HNRNPUL2: variants seen among roughly 807,000 people sequenced by gnomAD.
The protein encoded by HNRNPUL2 is heterogeneous nuclear ribonucleoprotein U-like protein 2.
HNRNPUL2 carries 27 observed loss-of-function variants against 102.2 expected under a neutral mutation model. That is an observed-to-expected ratio of 0.26 (90% CI 0.19 to 0.36). The LOEUF (loss-of-function observed/expected upper bound fraction) is 0.36, where lower values mean the gene tolerates loss of function less well. Among genes scored for constraint, HNRNPUL2 ranks in the 10% least tolerant of loss-of-function variants. The pLI is 1.00. For synonymous variants in HNRNPUL2, 458 were observed against 387.2 expected, an observed-to-expected ratio of 1.18 and a Z score of -2.15; for missense variants, 936 against 981.1, an observed-to-expected ratio of 0.95 and a Z score of 0.61.
chr11:62,718,952 G>A (rs1007948347), intron 10 of HNRNPUL2, among the ~76,000 whole-genome samples: 5 of 151,846 alleles, frequency 3.3e-5, no homozygotes, highest in Middle Eastern at 3.4e-3. Context: ...AGCCTCCCGA[G>A]TAGCTGTGAT....
Position 62,717,223 on chromosome 11 carries a change from A to G in HNRNPUL2, c.1781-34T>C, listed in dbSNP as rs530320304. On this transcript the variant is annotated intron_variant, in intron 10 of 13. Transcript: ENST00000301785. ...GTAAGAGAGAAGCTTGTGGGCCTGA[A>G]AAGTGCATAGATGGGTAAGAACTCA... The G allele has an allele frequency of 7.2e-6, 11 of 1,537,926 alleles. No individual in the cohort carries two copies. The Admixed American group carries it at 1.9e-4, about 26-fold the overall frequency.
At chr11:62,720,939 ATCT>A (rs2083698022) in intron 9 of HNRNPUL2, among the ~76,000 whole-genome samples, 1 of 150,772 alleles carries the variant, frequency 6.6e-6, no homozygotes, top group African/African-American at 2.4e-5. Context: ...AATACACATG[ATCT>A]TCTTTAACTT....
rs767115770 is a variant in HNRNPUL2, at chr11:62,724,362, C to T, written c.603G>A (p.Lys201=). 1.9e-6 allele frequency: 3 copies of T among 1,614,018 alleles called. No homozygotes were observed. In the South Asian group the frequency reaches 3.3e-5, roughly 18 times the overall value. The change falls in exon 2 of 14, where the codon AAG becomes AAA. Residue 201 remains lysine (K), a synonymous_variant. Coordinates refer to ENST00000301785, the MANE Select transcript of HNRNPUL2 (RefSeq NM_001079559.3). ...GTTCATCCTTCTCATCCCGCTGTCT[C>T]TTTACCCCCCGCCGCTCACCATCTG... The part of the protein sequence containing the change: ...AGSDGERRGV[K]RQRDEKDEHG...
At chr11:62,722,500 A>C in intron 6 of HNRNPUL2, 101 bp downstream of exon 6, 2 of 1,414,058 alleles carry the variant, frequency 1.4e-6, no homozygotes, top group Admixed American at 1.7e-5. Flanking sequence ...AGCCACACAC[A>C]TCACATGCAT....
In HNRNPUL2 at chr11:62,725,107, G is replaced by A. The variant is rs1267385391; in HGVS notation, c.539-681C>T. Among the ~76,000 whole-genome samples, 9 of 152,310 alleles carry A rather than the reference G, an allele frequency of 5.9e-5. No homozygotes were observed. In the East Asian group the frequency reaches 1.7e-3, roughly 29 times the overall value. ...TATATTTAGCAACTTCTCTGCAAGA[G>A]GAAAAAACTTGGAGTTTTTCCCTAG... On this transcript the variant is annotated intron_variant, in intron 1 of 13. Coordinates refer to ENST00000301785, the MANE Select transcript of HNRNPUL2 (RefSeq NM_001079559.3).
chr11:62,716,365 CATTTACA>C (rs1375134300), intron 11 of HNRNPUL2, among the ~76,000 whole-genome samples: 3 of 152,182 alleles, frequency 2.0e-5, no homozygotes, highest in Non-Finnish European at 4.4e-5. Context: ...GAACTGTCAG[CATTTACA>C]GTACCTAGCA....
chr11:62,716,966 G>T (rs1400871228), intron 11 of HNRNPUL2, 23 bp downstream of exon 11: 2 of 1,610,906 alleles, frequency 1.2e-6, no homozygotes, highest in Non-Finnish European at 1.7e-6. Flanking sequence ...GAAGTAGGGG[G>T]CTGGCAGGTC....
rs2083757466 is a variant in HNRNPUL2, at chr11:62,726,944, C to T, written c.213G>A (p.Pro71=). The part of the protein sequence containing the change: ...PRPVAASGGG[P]GGDEEEDEEE... ...CTTCGTCCTCCTCCTCGTCCCCGCCCGGGCCGCCGCCCGACGCGGCCACAG... is the reference window on the plus strand; with the variant it reads ...CTTCGTCCTCCTCCTCGTCCCCGCCTGGGCCGCCGCCCGACGCGGCCACAG... The change falls in exon 1 of 14, where the codon CCG becomes CCA. Residue 71 remains proline (P), a synonymous_variant. Coordinates refer to ENST00000301785, the MANE Select transcript of HNRNPUL2 (RefSeq NM_001079559.3). 5 of 1,475,800 alleles carry T rather than the reference C, an allele frequency of 3.4e-6. No homozygotes were observed. The highest frequency in any genetic ancestry group is 4.5e-6 in the Non-Finnish European group (5 of 1,121,728). 91.4% of individuals were successfully genotyped at this position (1,475,800 alleles called of 1,614,324 possible).
intron 3 of HNRNPUL2, 21 bp from the exon 4 acceptor site, chr11:62,723,747 A>AGTT (rs764686464): frequency 1.4e-5 from 22 of 1,614,064 alleles, no homozygotes; most frequent in Non-Finnish European, 1.9e-5. Context: ...AGAAGCAATC[A>AGTT]GTTTACTCCA....
intron 4 of HNRNPUL2, among the ~76,000 whole-genome samples, chr11:62,723,191 A>T (rs1481826875): frequency 7.2e-5 from 11 of 152,164 alleles, no homozygotes; most frequent in Non-Finnish European, 1.6e-4. Flanking sequence ...CGGTCTTTTT[A>T]AAAAAATATT....
rs988380415 is a variant in HNRNPUL2, at chr11:62,722,156, T to A, written c.1320A>T (p.Val440=). 1.2e-6 allele frequency: 2 copies of A among 1,614,136 alleles called. No homozygotes were observed. The highest frequency in any genetic ancestry group is 1.7e-6 in the Non-Finnish European group (2 of 1,180,040). Reference sequence around the variant, plus strand: ...TGGTCTTGGGAGGGACTGCAGTGCGTACACGCTCCTCAACAGGCACAGCAT... The same window carrying A: ...TGGTCTTGGGAGGGACTGCAGTGCGAACACGCTCCTCAACAGGCACAGCAT... ...FIHAVPVEER[V]RTAVPPKTIE... The change falls in exon 7 of 14, where the codon GTA becomes GTT. Residue 440 remains valine, a synonymous_variant. Transcript: ENST00000301785.
chr11:62,715,933 G>A lies in HNRNPUL2; in HGVS notation c.1986C>T (p.Gly662=), dbSNP rs748222976. ...GGTTGTCGTAGCCTCGGCGCTGCCC[G>A]CCCACTGGAAGAGAAATGGAGAGCG... The part of the protein sequence containing the change: ...QNRSRGQGYV[G]GQRRGYDNRA... The change falls in exon 12 of 14, where the codon GGC becomes GGT. Residue 662 remains glycine, a synonymous_variant. Coordinates refer to ENST00000301785, the MANE Select transcript of HNRNPUL2 (RefSeq NM_001079559.3). 8 of 1,599,232 alleles carry A rather than the reference G, an allele frequency of 5.0e-6. No homozygotes were observed. Among genetic ancestry groups the A allele is most frequent in the Admixed American group, 3.5e-5 (2 of 57,768 alleles).
In HNRNPUL2 at chr11:62,722,312, C is replaced by G; in HGVS notation, c.1164G>C (p.Trp388Cys). 1 of 1,614,080 alleles carries G rather than the reference C, an allele frequency of 6.2e-7. No individual in the cohort carries two copies. Among genetic ancestry groups the G allele is most frequent in the Non-Finnish European group, 8.5e-7 (1 of 1,179,938 alleles). The change falls in exon 7 of 14, where the codon TGG (tryptophan) becomes TGC (cysteine). Residue 388 changes from tryptophan to cysteine, a missense_variant. Physicochemically the swap from Trp to Cys is radical, Grantham distance 215. Coordinates refer to ENST00000301785, the MANE Select transcript of HNRNPUL2 (RefSeq NM_001079559.3). ...KNGEDLGVAF[W>C]ISKDSLADRA... Reference sequence around the variant, plus strand: ...GGTCTGCCAGGGAATCCTTGCTGATCCAGAATGCCACACCTAGGTCTTCTC... The same window carrying G: ...GGTCTGCCAGGGAATCCTTGCTGATGCAGAATGCCACACCTAGGTCTTCTC...
chr11:62,727,084 G>A lies in HNRNPUL2; in HGVS notation c.73C>T (p.Leu25Phe). 6.9e-7 allele frequency: 1 copy of A among 1,445,576 alleles called. No homozygotes were observed. The highest frequency in any genetic ancestry group is 9.1e-7 in the Non-Finnish European group (1 of 1,101,178). The allele number at this position is 1,445,576 out of a possible 1,614,324, so 89.5% of individuals were successfully genotyped here. Reference protein sequence around the residue: ...LQRRGLDSRGLKVDLAQRLQE... With the variant: ...LQRRGLDSRGFKVDLAQRLQE... ...AGCCGCTGCGCCAGATCCACCTTGA[G>A]GCCGCGCGAGTCCAGGCCCCGCCGC... Residue 25 changes from leucine (L) to phenylalanine (F), a missense_variant, in exon 1 of 14, where the codon CTC becomes TTC. Leu to Phe is a conservative substitution (Grantham distance 22). This residue lies in a region of HNRNPUL2 where 327 missense variants were observed against 268.1 expected (regional missense o/e 1.22). Coordinates refer to ENST00000301785, the MANE Select transcript of HNRNPUL2 (RefSeq NM_001079559.3).
At position 62,721,845 on chromosome 11, in the gene HNRNPUL2, G is replaced by A; in HGVS notation, c.1457C>T (p.Ala486Val). 6.2e-7 allele frequency: 1 copy of A among 1,614,134 alleles called. No individual in the cohort carries two copies. Among genetic ancestry groups the A allele is most frequent in the Non-Finnish European group, 8.5e-7 (1 of 1,180,010 alleles). The change falls in exon 8 of 14, where the codon GCT becomes GTT. Residue 486 changes from alanine to valine, a missense_variant. Ala to Val is a moderately conservative substitution (Grantham distance 64). Around this residue, in one of 2 missense-constraint regions of HNRNPUL2, gnomAD observed 609 missense variants for 713.0 expected, o/e 0.85. Transcript: ENST00000301785. ...CCTCATTTGATTGAGCACAGTCTCA[G>A]CTCCCAGGACATTGTATCTTTTCTC... is the stretch of plus-strand genomic sequence containing the variant. Reference protein sequence around the residue: ...NPEKRYNVLGAETVLNQMRMK... With the variant: ...NPEKRYNVLGVETVLNQMRMK...
chr11:62,717,159 T>C lies in HNRNPUL2; in HGVS notation c.1811A>G (p.Tyr604Cys), dbSNP rs772743752. 31 of 1,613,946 alleles carry C rather than the reference T, an allele frequency of 1.9e-5. No individual in the cohort carries two copies. Among genetic ancestry groups the C allele is most frequent in the Admixed American group, 1.3e-4 (8 of 59,994 alleles). The change falls in exon 11 of 14, where the codon TAT becomes TGT. Residue 604 changes from tyrosine to cysteine, a missense_variant. Coordinates refer to ENST00000301785, the MANE Select transcript of HNRNPUL2 (RefSeq NM_001079559.3). The stretch of plus-strand genomic sequence containing the variant: ...CTCCCCATATGTCACCTCATCCATA[T>C]AGTCGCATTTTTCAGGCAAAGAGAA... ...ANFSLPEKCD[Y>C]MDEVTYGELE...
intron 1 of HNRNPUL2, among the ~76,000 whole-genome samples, chr11:62,725,554 T>C (rs1266432073): frequency 2.0e-5 from 3 of 152,200 alleles, no homozygotes; most frequent in East Asian, 1.9e-4. Flanking sequence ...TCAAAGGTTA[T>C]GTAATGGGAT....
Position 62,726,695 on chromosome 11 carries a change from T to G in HNRNPUL2, c.462A>C (p.Glu154Asp). 2 of 1,600,278 alleles carry G rather than the reference T, an allele frequency of 1.2e-6. No individual in the cohort carries two copies. Among genetic ancestry groups the G allele is most frequent in the Non-Finnish European group, 1.7e-6 (2 of 1,179,446 alleles). ...GEEQGLGKRE[E>D]DEPEERSGDE... Reference sequence around the variant, plus strand: ...CCCCGCTCCGCTCCTCGGGTTCGTCTTCCTCCCTCTTGCCGAGGCCCTGCT... The same window carrying G: ...CCCCGCTCCGCTCCTCGGGTTCGTCGTCCTCCCTCTTGCCGAGGCCCTGCT... The change falls in exon 1 of 14, where the codon GAA becomes GAC. Residue 154 changes from glutamate (E) to aspartate (D), a missense_variant. Physicochemically the swap from Glu to Asp is conservative, Grantham distance 45. This residue lies in a region of HNRNPUL2 where 327 missense variants were observed against 268.1 expected (regional missense o/e 1.22). Coordinates refer to ENST00000301785, the MANE Select transcript of HNRNPUL2 (RefSeq NM_001079559.3).
intron 10 of HNRNPUL2, among the ~76,000 whole-genome samples, chr11:62,719,582 C>G (rs2083685068): frequency 6.6e-6 from 1 of 152,208 alleles, no homozygotes; most frequent in Admixed American, 6.5e-5. Flanking sequence ...TAGAGTGTCA[C>G]TCCAGTTGCT....
Sources: allele counts gnomAD v4.1 joint callset (sites outside exome capture counted in the v4.1 genomes callset), GRCh38; gene constraint gnomAD v4.1.1; regional missense constraint gnomAD v4.1.1; transcripts MANE v1.5; gene names NCBI Gene and HGNC (gene_info 2026-07-23, HGNC 2026-07-21).